The following ZNF483 variants were observed in gnomAD, a reference collection of about 807,000 sequenced individuals.
ZNF483 encodes the protein zinc finger protein HIT-10.
Under a neutral mutation model 28.6 loss-of-function variants are expected in ZNF483, and 9 were observed. That is an observed-to-expected ratio of 0.32 (90% confidence interval 0.19 to 0.55). The LOEUF (loss-of-function observed/expected upper bound fraction) is 0.55. Among genes scored for constraint, ZNF483 ranks in the 20% least tolerant of loss-of-function variants. The pLI is 0.93. For missense variants in ZNF483, 675 were observed against 871.7 expected (o/e 0.77, Z 2.84); for synonymous variants, 322 against 306.2 (o/e 1.05, Z -0.54).
At chr9:111,573,438 G>A (rs1210342377) in intron 5 of ZNF483, among the ~76,000 whole-genome samples, 2 of 152,146 alleles carry the variant, frequency 1.3e-5, no homozygotes, top group Non-Finnish European at 2.9e-5. Flanking sequence ...GTTGTGTGGT[G>A]GTTAACCAGT....
intron 5 of ZNF483, among the ~76,000 whole-genome samples, chr9:111,569,636 A>C (rs1828721570): frequency 6.6e-6 from 1 of 152,122 alleles, no homozygotes; most frequent in Non-Finnish European, 1.5e-5. Flanking sequence ...GTGGTGGTAC[A>C]CACCTGTAGT....
intron 5 of ZNF483, among the ~76,000 whole-genome samples, chr9:111,565,784 T>C (rs554097607): frequency 1.3e-5 from 2 of 152,036 alleles, no homozygotes; most frequent in Non-Finnish European, 2.9e-5. Context: ...CTCACCCTCC[T>C]AAAGTGCTGG....
intron 5 of ZNF483, among the ~76,000 whole-genome samples, chr9:111,540,294 A>G (rs866173615): frequency 6.6e-6 from 1 of 152,214 alleles, no homozygotes; most frequent in African/African-American, 2.4e-5. Context: ...AGAATTGTGT[A>G]TTGGCCATTA....
exon 6 of ZNF483, chr9:111,576,619 T>C: frequency 1.8e-6 from 1 of 545,866 alleles, no homozygotes; most frequent in Non-Finnish European, 3.2e-6. Context: ...AAATAAAAGC[T>C]ACTAGGATGA....
At chr9:111,567,305 A>G (rs1353021275) in intron 5 of ZNF483, among the ~76,000 whole-genome samples, 1 of 152,112 alleles carries the variant, frequency 6.6e-6, no homozygotes, top group African/African-American at 2.4e-5. Context: ...CTCCTGCCTC[A>G]GCCTCCCAAG....
intron 5 of ZNF483, chr9:111,539,387 C>T (rs1482068538): frequency 1.5e-5 from 7 of 453,998 alleles, no homozygotes; most frequent in African/African-American, 1.2e-4. Flanking sequence ...TCATTTAAAG[C>T]AGTATAACCT....
rs1827208010 is a variant in ZNF483, at chr9:111,527,419, C to G, written c.24C>G (p.Asn8Lys). MQAVVPLNKMTAISPEPQ... is the reference protein window; with the variant it reads MQAVVPLKKMTAISPEPQ... ...CAATGCAAGCTGTAGTGCCCTTGAA[C>G]AAGATGACAGCCATCTCACCAGAAC... The change falls in exon 2 of 6, where the codon AAC (asparagine) becomes AAG (lysine). Residue 8 changes from asparagine to lysine, a missense_variant. Physicochemically the swap from Asn to Lys is moderately conservative, Grantham distance 94. Coordinates refer to ENST00000309235, the MANE Select transcript of ZNF483 (RefSeq NM_133464.5). 2.5e-6 allele frequency: 4 copies of G among 1,613,612 alleles called. No homozygotes were observed. The highest frequency in any genetic ancestry group is 1.7e-4 in the Middle Eastern group (1 of 5,848).
At chr9:111,567,102 G>A (rs1167623403) in intron 5 of ZNF483, among the ~76,000 whole-genome samples, 5 of 151,250 alleles carry the variant, frequency 3.3e-5, no homozygotes, top group Non-Finnish European at 7.4e-5. Flanking sequence ...AACAAAAAAA[G>A]TCGGGGGGCG....
chr9:111,548,422 T>C lies in ZNF483; in HGVS notation c.*5252T>C, dbSNP rs1297004708. Among the ~76,000 whole-genome samples the C allele has an allele frequency of 6.6e-6, 1 of 152,250 alleles. No homozygotes were observed. The highest frequency in any genetic ancestry group is 1.5e-5 in the Non-Finnish European group (1 of 68,038). On this transcript the variant is annotated 3_prime_UTR_variant, in exon 6 of 6. Coordinates refer to ENST00000309235, the MANE Select transcript of ZNF483 (RefSeq NM_133464.5). ...TTTGATGCTGTTGTAAATGGGTCTT[T>C]GTTAGTGAAGCATAACTGAGTTTTG...
chr9:111,530,295 G>C (rs1827289401), intron 2 of ZNF483, among the ~76,000 whole-genome samples: 1 of 152,146 alleles, frequency 6.6e-6, no homozygotes, highest in Non-Finnish European at 1.5e-5. Flanking sequence ...ACCCAGAGAT[G>C]GCATGGAAGC....
chr9:111,537,244 CAG>C (rs1000760558), intron 5 of ZNF483, among the ~76,000 whole-genome samples: 77 of 150,878 alleles, frequency 5.1e-4, no homozygotes, highest in African/African-American at 1.7e-3. Context: ...TTTTTGGAGA[CAG>C]AGTCTCACTC....
In ZNF483 at chr9:111,542,033, A is replaced by G; in HGVS notation, c.1098A>G (p.Lys366=). The G allele has an allele frequency of 1.2e-6, 2 of 1,614,058 alleles. No homozygotes were observed. Among genetic ancestry groups the G allele is most frequent in the Non-Finnish European group, 1.7e-6 (2 of 1,179,930 alleles). The change falls in exon 6 of 6, where the codon AAA becomes AAG. Residue 366 remains lysine, a synonymous_variant. Coordinates refer to ENST00000309235, the MANE Select transcript of ZNF483 (RefSeq NM_133464.5). The surrounding 1 kb of genome is among the most constrained non-coding windows in gnomAD (Gnocchi z 6.2). ...CACGGAAATCTAATGATGGTGGGAA[A>G]GTCCTGAGTCACTCTTCAGCTCTTA... ...EKSRKSNDGG[K]VLSHSSALTE...
intron 5 of ZNF483, among the ~76,000 whole-genome samples, chr9:111,562,221 T>C (rs1220015121): frequency 6.6e-6 from 1 of 151,998 alleles, no homozygotes; most frequent in Non-Finnish European, 1.5e-5. Flanking sequence ...AAAGATGTTA[T>C]TATCCTCACT....
Position 111,544,444 on chromosome 9 carries a change from T to C in ZNF483, c.*1274T>C. On this transcript the variant is annotated 3_prime_UTR_variant, in exon 6 of 6. Transcript: ENST00000309235. Reference sequence around the variant, plus strand: ...ACAAAGCTTGTCTTAAAAAAAATTATAAGGGCTAACAACACTGGGCTTTTA... The same window carrying C: ...ACAAAGCTTGTCTTAAAAAAAATTACAAGGGCTAACAACACTGGGCTTTTA... The C allele has an allele frequency of 1.2e-6, 1 of 853,356 alleles. No homozygotes were observed. The allele number at this position is 853,356 out of a possible 1,614,324, so 52.9% of individuals were successfully genotyped here.
chr9:111,558,722 A>T (rs1463172512), downstream of ZNF483, among the ~76,000 whole-genome samples: 2 of 152,140 alleles, frequency 1.3e-5, no homozygotes, highest in Non-Finnish European at 2.9e-5. Context: ...ACTCATTTAT[A>T]TGTGTGTCTA....
At chr9:111,561,100 T>TAGAGAGAG (rs1589288997) in intron 5 of ZNF483, among the ~76,000 whole-genome samples, 2 of 31,428 alleles carry the variant, frequency 6.4e-5, no homozygotes, top group African/African-American at 2.5e-4. Context: ...TATATATATA[T>TAGAGAGAG]ATATATATAT....
In ZNF483 at chr9:111,539,216, A is replaced by C. The variant is rs10441736; in HGVS notation, c.722-2441A>C. Among the ~76,000 whole-genome samples, 3 of 151,698 alleles carry C rather than the reference A, an allele frequency of 2.0e-5. No homozygotes were observed. In the East Asian group the frequency reaches 5.8e-4, roughly 29 times the overall value. On this transcript the variant is annotated intron_variant, in intron 5 of 5. Coordinates refer to ENST00000309235, the MANE Select transcript of ZNF483 (RefSeq NM_133464.5). Reference sequence around the variant, plus strand: ...TGAATGGATCACCAACAAAATTTAAAATTTAAATAGCTTGTGAACATGAAA... The same window carrying C: ...TGAATGGATCACCAACAAAATTTAACATTTAAATAGCTTGTGAACATGAAA...
In ZNF483 at chr9:111,555,053, T is replaced by G. The variant is rs774292848; in HGVS notation, c.*11883T>G. Among the ~76,000 whole-genome samples, 26 of 152,152 alleles carry G rather than the reference T, an allele frequency of 1.7e-4. No individual in the cohort carries two copies. Among genetic ancestry groups the G allele is most frequent in the Non-Finnish European group, 3.5e-4 (24 of 68,018 alleles). On this transcript the variant is annotated 3_prime_UTR_variant, in exon 6 of 6. Transcript: ENST00000309235. ...TGGGGGATATAAGCCTGGCTACCAT[T>G]ACTGGCGAGCAGGCAGAGGCACGCC...
chr9:111,537,067 C>G (rs1827525531), intron 5 of ZNF483, among the ~76,000 whole-genome samples: 3 of 152,140 alleles, frequency 2.0e-5, no homozygotes. Flanking sequence ...GCATTACTAG[C>G]AGCACTTTGT....
Sources: gnomAD v4.1 joint callset for allele counts (sites outside exome capture counted in the v4.1 genomes callset) on GRCh38, gnomAD v4.1.1 for gene constraint, Gnocchi (gnomAD v3.1) non-coding constraint, MANE v1.5 for transcripts, NCBI Gene and HGNC (gene_info 2026-07-23, HGNC 2026-07-21) for gene names.